The following NYAP2 variants were observed in gnomAD, a reference collection of about 807,000 sequenced individuals.
The protein encoded by NYAP2 is neuronal tyrosine-phosphorylated phosphoinositide-3-kinase adaptor 2, also known as neuronal tyrosine-phosphorylated phosphoinositide-3-kinase adapter 2.
NYAP2 carries 23 observed loss-of-function variants against 50.4 expected under a neutral mutation model. That is an observed-to-expected ratio of 0.46 (90% CI 0.33 to 0.65). NYAP2 has a LOEUF of 0.65. NYAP2 is among the 30% of genes least tolerant of loss of function. NYAP2 has a pLI of 0.02. For synonymous variants in NYAP2, 394 were observed against 365.2 expected (o/e 1.08, Z -0.90); for missense variants, 885 against 861.0 (o/e 1.03, Z -0.35).
At chr2:225,441,487 A>G (rs1689469812) in intron 3 of NYAP2, among the ~76,000 whole-genome samples, 1 of 152,180 alleles carries the variant, frequency 6.6e-6, no homozygotes, top group African/African-American at 2.4e-5. Context: ...AAGATACTAC[A>G]TGAGACTGGC....
At chr2:225,608,072 G>A (rs1306072581) in intron 5 of NYAP2, among the ~76,000 whole-genome samples, 2 of 152,066 alleles carry the variant, frequency 1.3e-5, no homozygotes, top group African/African-American at 4.8e-5. Context: ...AACAAAAAAT[G>A]ATTATCTTGT....
At chr2:225,448,570 G>A (rs1689599232) in intron 3 of NYAP2, among the ~76,000 whole-genome samples, 1 of 152,132 alleles carries the variant, frequency 6.6e-6, no homozygotes, top group African/African-American at 2.4e-5. Context: ...TACATGATTG[G>A]TTTCTATAAC....
intron 4 of NYAP2, among the ~76,000 whole-genome samples, chr2:225,543,401 C>A (rs1297227990): frequency 6.6e-6 from 1 of 151,748 alleles, no homozygotes. Flanking sequence ...TAGCTAAAAA[C>A]TTCTGTTTTA....
chr2:225,509,989 G>A (rs1690783075), intron 3 of NYAP2, among the ~76,000 whole-genome samples: 1 of 152,188 alleles, frequency 6.6e-6, no homozygotes, highest in Non-Finnish European at 1.5e-5. Context: ...GAGAGTGATG[G>A]AAAGATTATA....
downstream of NYAP2, among the ~76,000 whole-genome samples, chr2:225,655,893 C>CACACACACACACACACACACACACACAT (rs1693813919): frequency 7.9e-6 from 1 of 127,294 alleles, no homozygotes; most frequent in African/African-American, 3.3e-5. Context: ...ACTACACACA[C>CACACACACACACACACACACACACACAT]ACACACACAC....
At chr2:225,433,582 TGAGTA>T (rs1689309735) in intron 3 of NYAP2, among the ~76,000 whole-genome samples, 1 of 151,936 alleles carries the variant, frequency 6.6e-6, no homozygotes, top group Non-Finnish European at 1.5e-5. Context: ...TTAGTTTGTA[TGAGTA>T]GAGTAGGGAA....
chr2:225,559,359 A>G (rs1338064162), intron 4 of NYAP2, among the ~76,000 whole-genome samples: 1 of 152,100 alleles, frequency 6.6e-6, no homozygotes, highest in African/African-American at 2.4e-5. Flanking sequence ...CAAAAAAAAA[A>G]AAAATGTGCT....
At chr2:225,446,267 T>C (rs1210396190) in intron 3 of NYAP2, among the ~76,000 whole-genome samples, 4 of 144,206 alleles carry the variant, frequency 2.8e-5, no homozygotes, top group Non-Finnish European at 6.0e-5. Context: ...TATATATATA[T>C]ATATATATAT....
chr2:225,641,412 C>A (rs1024580230), intron 6 of NYAP2, among the ~76,000 whole-genome samples: 1 of 138,630 alleles, frequency 7.2e-6, no homozygotes, highest in African/African-American at 2.7e-5. Context: ...ACAGGAACTG[C>A]AATCCCTCAA....
chr2:225,563,332 C>G (rs1691906847), intron 4 of NYAP2, among the ~76,000 whole-genome samples: 1 of 152,020 alleles, frequency 6.6e-6, no homozygotes, highest in South Asian at 2.1e-4. Flanking sequence ...GCAAGGGAGG[C>G]AGGGGAGTGA....
intron 6 of NYAP2, among the ~76,000 whole-genome samples, chr2:225,651,042 G>A (rs565938284): frequency 6.6e-6 from 1 of 152,356 alleles, no homozygotes; most frequent in African/African-American, 2.4e-5. Context: ...TTGGAGAAGG[G>A]ATAGAAGACA....
intron 4 of NYAP2, among the ~76,000 whole-genome samples, chr2:225,570,583 G>A (rs1692050655): frequency 2.6e-5 from 4 of 152,174 alleles, no homozygotes; most frequent in South Asian, 4.1e-4. Context: ...CAGATCTCAT[G>A]AGAACTCACT....
At chr2:225,652,195 C>A (rs1028126181) in exon 7 of NYAP2, 2 of 152,046 alleles carry the variant, frequency 1.3e-5, no homozygotes, top group Non-Finnish European at 2.9e-5. Flanking sequence ...TGGCCTAAGA[C>A]AATTTGACTG....
At chr2:225,547,158 A>G (rs1691599506) in intron 4 of NYAP2, among the ~76,000 whole-genome samples, 2 of 152,082 alleles carry the variant, frequency 1.3e-5, no homozygotes, top group African/African-American at 4.8e-5. Context: ...CAAGCAAACC[A>G]TTAGGTTTCC....
intron 4 of NYAP2, among the ~76,000 whole-genome samples, chr2:225,551,685 G>T (rs1225744512): frequency 1.3e-5 from 2 of 152,172 alleles, no homozygotes; most frequent in East Asian, 3.8e-4. Context: ...GTACAGGCCA[G>T]TATATTAAGG....
At chr2:225,638,113 T>C (rs940549798) in intron 6 of NYAP2, among the ~76,000 whole-genome samples, 2 of 151,410 alleles carry the variant, frequency 1.3e-5, no homozygotes, top group South Asian at 2.1e-4. Flanking sequence ...GAATTTTAAA[T>C]AGACTCTAGA....
At chr2:225,536,258 C>G (rs1196875921) in intron 4 of NYAP2, among the ~76,000 whole-genome samples, 1 of 152,156 alleles carries the variant, frequency 6.6e-6, no homozygotes, top group African/African-American at 2.4e-5. Context: ...TCTCCCAAGG[C>G]GCTACCACAT....
intron 4 of NYAP2, among the ~76,000 whole-genome samples, chr2:225,551,229 G>A (rs1012442791): frequency 1.3e-4 from 20 of 152,136 alleles, no homozygotes; most frequent in African/African-American, 3.4e-4. Flanking sequence ...GTCCACTCTG[G>A]CTTTGGCCAT....
chr2:225,494,635 A>G (rs1690468780), intron 3 of NYAP2, among the ~76,000 whole-genome samples: 1 of 152,260 alleles, frequency 6.6e-6, no homozygotes, highest in Non-Finnish European at 1.5e-5. Flanking sequence ...ATTTGCTTAT[A>G]GGCCTTCCAT....
Sources: gnomAD v4.1 joint callset for allele counts (sites outside exome capture counted in the v4.1 genomes callset) on GRCh38, gnomAD v4.1.1 for gene constraint, MANE v1.5 for transcripts, NCBI Gene and HGNC (gene_info 2026-07-23, HGNC 2026-07-21) for gene names.